RYK: variants seen among roughly 807,000 people sequenced by gnomAD.
RYK encodes inactive tyrosine-protein kinase RYK.
Under a neutral mutation model 70.2 loss-of-function variants are expected in RYK, and 21 were observed. The ratio of observed to expected loss-of-function variants is 0.30; its 90% CI spans 0.21 to 0.43. The LOEUF (loss-of-function observed/expected upper bound fraction) is 0.43, where lower values mean the gene tolerates loss of function less well. Ranked by LOEUF, RYK falls within the 20% of genes least tolerant of loss-of-function variation. The pLI is 1.00. For synonymous variants in RYK, 267 were observed against 278.0 expected, an observed-to-expected ratio of 0.96 and a Z score of 0.39; for missense variants, 604 against 753.3, an observed-to-expected ratio of 0.80 and a Z score of 2.32.
intron 13 of RYK, among the ~76,000 whole-genome samples, chr3:134,172,822 A>G (rs2012966543): frequency 6.6e-6 from 1 of 152,168 alleles, no homozygotes; most frequent in African/African-American, 2.4e-5. Flanking sequence ...CCACTGCTCT[A>G]TAAGCTGAAC....
intron 6 of RYK, among the ~76,000 whole-genome samples, chr3:134,198,822 G>T (rs1327183585): frequency 6.6e-6 from 1 of 152,158 alleles, no homozygotes; most frequent in South Asian, 2.1e-4. Flanking sequence ...ATTTTACTAT[G>T]TGTCAGACAG....
intron 10 of RYK, 62 bp downstream of exon 10, chr3:134,182,939 TA>T: frequency 9.8e-7 from 1 of 1,023,046 alleles, no homozygotes; most frequent in Non-Finnish European, 1.4e-6. Context: ...GTTCTGCACA[TA>T]AAAATGTGGC....
intron 4 of RYK, among the ~76,000 whole-genome samples, chr3:134,209,427 T>G (rs2014322234): frequency 6.6e-6 from 1 of 152,220 alleles, no homozygotes; most frequent in South Asian, 2.1e-4. Flanking sequence ...TCTTTACCTC[T>G]TCAACCATTT....
chr3:134,220,242 T>G (rs1313047627), intron 2 of RYK, among the ~76,000 whole-genome samples: 1 of 152,204 alleles, frequency 6.6e-6, no homozygotes, highest in African/African-American at 2.4e-5. Flanking sequence ...GATAGGGAAC[T>G]AAGAGACATC....
chr3:134,209,949 AT>A (rs1473700075), intron 3 of RYK, 120 bp from the exon 4 acceptor site: 7 of 766,164 alleles, frequency 9.1e-6, no homozygotes, highest in Non-Finnish European at 1.4e-5. Context: ...ACTAAAAGTA[AT>A]ACATTTAAAT....
At chr3:134,221,290 C>A (rs181480965) in intron 2 of RYK, among the ~76,000 whole-genome samples, 1 of 146,610 alleles carries the variant, frequency 6.8e-6, no homozygotes, top group Non-Finnish European at 1.5e-5. Flanking sequence ...CTGCAACCTC[C>A]GCCTCCCGGG....
intron 13 of RYK, among the ~76,000 whole-genome samples, chr3:134,164,480 G>A (rs543488369): frequency 3.3e-5 from 5 of 151,982 alleles, no homozygotes; most frequent in Non-Finnish European, 5.9e-5. Context: ...GATAGTTGGC[G>A]TTTTCTAGAA....
chr3:134,158,628 G>A (rs917665705), intron 14 of RYK, among the ~76,000 whole-genome samples: 17 of 152,292 alleles, frequency 1.1e-4, no homozygotes, highest in Middle Eastern at 6.8e-3. Context: ...TGGATCTAGA[G>A]TAAAATCAGT....
At chr3:134,243,933 T>C (rs1332214794) in intron 1 of RYK, among the ~76,000 whole-genome samples, 1 of 152,214 alleles carries the variant, frequency 6.6e-6, no homozygotes, top group African/African-American at 2.4e-5. Flanking sequence ...TAATTTTGAA[T>C]TGTCATTTTC....
Position 134,209,609 on chromosome 3 carries a change from T to C in RYK, c.589+86A>G, listed in dbSNP as rs146892495. The C allele has an allele frequency of 1.8e-5, 18 of 979,966 alleles. No individual in the cohort carries two copies. In the East Asian group the frequency reaches 5.3e-4, roughly 29 times the overall value. 60.7% of individuals were successfully genotyped at this position (979,966 alleles called of 1,614,324 possible). A position where few individuals can be genotyped will look rare whatever the true frequency, so the allele number is the denominator to read the frequency against. ...TGCAACTATAATCATGAGTTGGACA[T>C]ACTTAAATCTGTGAAAAAACAACAA... On this transcript the variant is annotated intron_variant, in intron 4 of 14. Transcript: ENST00000623711.
intron 10 of RYK, chr3:134,181,258 C>A (rs2013285366): frequency 6.6e-6 from 1 of 152,202 alleles, no homozygotes; most frequent in African/African-American, 2.4e-5. Context: ...CCATTAAGCA[C>A]TTTCAACACT....
chr3:134,191,727 C>T, intron 8 of RYK, 122 bp downstream of exon 8: 3 of 722,116 alleles, frequency 4.2e-6, no homozygotes, highest in Non-Finnish European at 6.4e-6. Context: ...AAAAACCATA[C>T]ACTGCTTCCT....
At chr3:134,211,807 T>C (rs2014406056) in intron 2 of RYK, among the ~76,000 whole-genome samples, 200 bp from the exon 3 acceptor site, 1 of 152,214 alleles carries the variant, frequency 6.6e-6, no homozygotes, top group South Asian at 2.1e-4. Flanking sequence ...TAAGCCACCC[T>C]CTATTTTAAG....
At chr3:134,202,932 C>T in intron 5 of RYK, 58 bp from the exon 6 acceptor site, 2 of 1,396,898 alleles carry the variant, frequency 1.4e-6, no homozygotes, top group South Asian at 1.2e-5. Context: ...TGCTTTGTGA[C>T]CCAATATACA....
At chr3:134,195,358 T>C in intron 6 of RYK, 176 bp from the exon 7 acceptor site, 1 of 504,116 alleles carries the variant, frequency 2.0e-6, no homozygotes, top group South Asian at 2.5e-5. Flanking sequence ...TAGAGCTCTA[T>C]TTTTTCTTTC....
chr3:134,248,940 G>GT (rs2015538883), intron 1 of RYK, among the ~76,000 whole-genome samples: 1 of 152,064 alleles, frequency 6.6e-6, no homozygotes, highest in Non-Finnish European at 1.5e-5. Flanking sequence ...GTAGGGGCAG[G>GT]TATATGGCAG....
chr3:134,247,277 A>G (rs963171986), intron 1 of RYK, among the ~76,000 whole-genome samples: 12 of 152,236 alleles, frequency 7.9e-5, no homozygotes, highest in African/African-American at 2.9e-4. Context: ...GACTTATTCT[A>G]CATTGATTTA....
intron 1 of RYK, among the ~76,000 whole-genome samples, chr3:134,233,612 A>G (rs559523911): frequency 1.3e-5 from 2 of 152,338 alleles, no homozygotes; most frequent in East Asian, 3.9e-4. Flanking sequence ...AGAAGATAGA[A>G]CAACAGTTTT....
At chr3:134,194,542 A>G (rs1274394573) in intron 7 of RYK, among the ~76,000 whole-genome samples, 5 of 152,172 alleles carry the variant, frequency 3.3e-5, no homozygotes, top group African/African-American at 1.2e-4. Context: ...GGAAAACCAC[A>G]ATAGGGCACT....
Sources: gnomAD v4.1 joint callset for allele counts (sites outside exome capture counted in the v4.1 genomes callset) on GRCh38, gnomAD v4.1.1 for gene constraint, MANE v1.5 for transcripts, NCBI Gene and HGNC (gene_info 2026-07-23, HGNC 2026-07-21) for gene names.